The following DGKB variants were observed in gnomAD, a reference collection of about 807,000 sequenced individuals.
The protein encoded by DGKB is diacylglycerol kinase beta, also known as 90 kDa diacylglycerol kinase.
In DGKB, 67 loss-of-function variants were observed where a neutral mutation model predicts 114.3. The observed-to-expected ratio is 0.59, with a 90% CI of 0.48 to 0.72. DGKB has a LOEUF of 0.72. Among genes scored for constraint, DGKB ranks in the 30% least tolerant of loss-of-function variants. The pLI, the probability that DGKB is intolerant of heterozygous loss-of-function variation, is 0.00. For synonymous variants in DGKB, 398 were observed against 323.1 expected (o/e 1.23, Z -2.49); for missense variants, 907 against 975.2 (o/e 0.93, Z 0.93).
chr7:14,191,810 C>A, intron 23 of DGKB: 1 of 423,062 alleles, frequency 2.4e-6, no homozygotes, highest in Non-Finnish European at 4.8e-6. Flanking sequence ...TATTCTGCAC[C>A]AAACAGGCTA....
intron 20 of DGKB, among the ~76,000 whole-genome samples, chr7:14,493,257 A>G (rs1784835675): frequency 6.6e-6 from 1 of 152,098 alleles, no homozygotes; most frequent in Non-Finnish European, 1.5e-5. Flanking sequence ...TACAGGGTAT[A>G]CATTCTAAGA....
intron 1 of DGKB, among the ~76,000 whole-genome samples, chr7:14,895,715 C>G (rs534334766): frequency 2.6e-5 from 4 of 151,544 alleles, no homozygotes; most frequent in African/African-American, 4.8e-5. Flanking sequence ...GATACAGGAC[C>G]GTGGTATAAG....
chr7:14,656,773 T>C (rs1388810325), intron 13 of DGKB, among the ~76,000 whole-genome samples: 6 of 109,780 alleles, frequency 5.5e-5, no homozygotes, highest in African/African-American at 1.0e-4. Context: ...CACACACACA[T>C]ATCCTATATA....
chr7:14,239,645 A>G (rs2128361338), intron 23 of DGKB, among the ~76,000 whole-genome samples: 1 of 152,194 alleles, frequency 6.6e-6, no homozygotes, highest in East Asian at 1.9e-4. Context: ...ATGACATGCT[A>G]AGATCAAAAG....
intron 13 of DGKB, among the ~76,000 whole-genome samples, chr7:14,655,218 G>A (rs925398026): frequency 6.6e-6 from 1 of 151,538 alleles, no homozygotes; most frequent in African/African-American, 2.4e-5. Flanking sequence ...CCCATTAAGA[G>A]GTGGAAAAGA....
chr7:14,940,356 T>TGAC (rs1785505890), intron 1 of DGKB, among the ~76,000 whole-genome samples: 1 of 150,002 alleles, frequency 6.7e-6, no homozygotes. Flanking sequence ...TTTTTTTTTT[T>TGAC]AATTTCTACA....
intron 21 of DGKB, among the ~76,000 whole-genome samples, chr7:14,460,389 A>G (rs868653621): frequency 4.6e-4 from 70 of 152,252 alleles, no homozygotes; most frequent in African/African-American, 1.5e-3. Flanking sequence ...GCTCAAAATA[A>G]AGGGATGGAG....
At chr7:14,311,370 G>A (rs1194080832) in intron 23 of DGKB, among the ~76,000 whole-genome samples, 1 of 151,896 alleles carries the variant, frequency 6.6e-6, no homozygotes, top group Non-Finnish European at 1.5e-5. Flanking sequence ...CTGGTTTTTT[G>A]TTCTATATGT....
At chr7:14,492,814 C>T (rs952686498) in intron 20 of DGKB, among the ~76,000 whole-genome samples, 11 of 151,986 alleles carry the variant, frequency 7.2e-5, no homozygotes, top group Non-Finnish European at 1.2e-4. Flanking sequence ...CAACTCAATA[C>T]AATTACACAT....
At chr7:14,501,146 A>G (rs187946534) in intron 20 of DGKB, among the ~76,000 whole-genome samples, 3 of 152,022 alleles carry the variant, frequency 2.0e-5, no homozygotes, top group Admixed American at 2.0e-4. Context: ...TACCAATAAC[A>G]TGGTGGGATC....
intron 25 of DGKB, among the ~76,000 whole-genome samples, chr7:14,169,351 C>T (rs1311312571): frequency 2.7e-4 from 35 of 129,956 alleles, no homozygotes; most frequent in African/African-American, 3.3e-4. Flanking sequence ...GGCAACAGAG[C>T]GAGACTCCGT....
intron 13 of DGKB, among the ~76,000 whole-genome samples, chr7:14,661,011 C>T (rs1816953304): frequency 6.7e-6 from 1 of 148,844 alleles, no homozygotes; most frequent in Admixed American, 6.8e-5. Context: ...ATTTAGAAAG[C>T]TGAAACTGGA....
chr7:14,442,952 A>C (rs1238118283), intron 21 of DGKB, among the ~76,000 whole-genome samples: 1 of 152,088 alleles, frequency 6.6e-6, no homozygotes, highest in Non-Finnish European at 1.5e-5. Flanking sequence ...ATTCACCTTA[A>C]CATTACCTTT....
At chr7:14,771,361 G>T (rs553642955) in intron 2 of DGKB, among the ~76,000 whole-genome samples, 1 of 152,152 alleles carries the variant, frequency 6.6e-6, no homozygotes, top group South Asian at 2.1e-4. Context: ...TTCTTTCCCA[G>T]TTTGTCTGCA....
At chr7:14,792,812 C>A (rs56905045) in intron 2 of DGKB, among the ~76,000 whole-genome samples, 285 of 152,192 alleles carry the variant, frequency 1.9e-3, no homozygotes, top group African/African-American at 6.2e-3. Context: ...ACTTCCATTT[C>A]AATCCACTTG....
At chr7:14,570,081 A>G (rs756096343) in intron 20 of DGKB, among the ~76,000 whole-genome samples, 2 of 150,724 alleles carry the variant, frequency 1.3e-5, no homozygotes, top group Admixed American at 6.6e-5. Context: ...TTAGGTATAT[A>G]TTTTTTCAAT....
At chr7:14,213,399 T>C (rs982320639) in intron 23 of DGKB, among the ~76,000 whole-genome samples, 38 of 152,240 alleles carry the variant, frequency 2.5e-4, no homozygotes, top group African/African-American at 8.2e-4. Context: ...CAAGTGGTAC[T>C]GGGAGAAAAT....
intron 23 of DGKB, among the ~76,000 whole-genome samples, chr7:14,325,220 G>A (rs1026949604): frequency 4.6e-5 from 7 of 152,120 alleles, no homozygotes; most frequent in Non-Finnish European, 8.8e-5. Flanking sequence ...AGAAATTTAA[G>A]AGCAGCAGGT....
chr7:14,919,990 C>T (rs1784437943), intron 1 of DGKB, among the ~76,000 whole-genome samples: 1 of 152,158 alleles, frequency 6.6e-6, no homozygotes, highest in Non-Finnish European at 1.5e-5. Context: ...AAACCTCGTT[C>T]CTATATAAAT....
Sources: gnomAD v4.1 joint callset for allele counts (sites outside exome capture counted in the v4.1 genomes callset) on GRCh38, gnomAD v4.1.1 for gene constraint, MANE v1.5 for transcripts, NCBI Gene and HGNC (gene_info 2026-07-23, HGNC 2026-07-21) for gene names.